Variants in USH2A observed in about 807,000 individuals in gnomAD.
USH2A encodes usherin.
USH2A carries 443 observed loss-of-function variants against 538.9 expected under a neutral mutation model. The observed-to-expected ratio is 0.82, with a 90% CI of 0.76 to 0.89. The LOEUF (loss-of-function observed/expected upper bound fraction) is 0.89. Ranked by LOEUF, USH2A falls within the 40% of genes least tolerant of loss-of-function variation. USH2A has a pLI of 0.00. For missense variants in USH2A, 6,633 were observed against 6,324.8 expected (o/e 1.05, Z -1.65); for synonymous variants, 2,413 against 2,273.5 (o/e 1.06, Z -1.75).
chr1:216,227,755 A>C (rs1343348772), intron 14 of USH2A, among the ~76,000 whole-genome samples: 1 of 152,206 alleles, frequency 6.6e-6, no homozygotes, highest in Non-Finnish European at 1.5e-5. Context: ...ATTATCTGCA[A>C]GGGCAAGAGC....
chr1:215,797,263 C>T (rs1558102567), intron 50 of USH2A, among the ~76,000 whole-genome samples: 1 of 152,110 alleles, frequency 6.6e-6, no homozygotes, highest in African/African-American at 2.4e-5. Context: ...AGAAAAAAAG[C>T]CATCTTCATA....
At chr1:216,112,832 C>T (rs2032907980) in intron 21 of USH2A, among the ~76,000 whole-genome samples, 1 of 151,886 alleles carries the variant, frequency 6.6e-6, no homozygotes, top group Non-Finnish European at 1.5e-5. Flanking sequence ...ATATGTACCA[C>T]ATTTTCTTTA....
At chr1:215,724,091 T>C (rs1643145020) in intron 61 of USH2A, among the ~76,000 whole-genome samples, 1 of 151,992 alleles carries the variant, frequency 6.6e-6, no homozygotes, top group African/African-American at 2.4e-5. Context: ...TCTATATCTA[T>C]ATCTATATCA....
In USH2A at chr1:216,200,089, G is replaced by A. The variant is rs1484571571; in HGVS notation, c.3349C>T (p.Pro1117Ser). 2 of 1,612,512 alleles carry A rather than the reference G, an allele frequency of 1.2e-6. No individual in the cohort carries two copies. Among genetic ancestry groups the A allele is most frequent in the African/African-American group, 1.3e-5 (1 of 74,564 alleles). ...IQYFLDTDLL[P>S]YTKYSYYIET... Reference sequence around the variant, plus strand: ...ATGTAATAGGAATATTTGGTATATGGTAACAGGTCTGTGTCTAAGAAGTAT... The same window carrying A: ...ATGTAATAGGAATATTTGGTATATGATAACAGGTCTGTGTCTAAGAAGTAT... Residue 1117 changes from proline to serine, a missense_variant, in exon 17 of 72, where the codon CCA becomes TCA. Pro to Ser is a moderately conservative substitution (Grantham distance 74). Coordinates refer to ENST00000307340, the MANE Select transcript of USH2A (RefSeq NM_206933.4).
chr1:216,365,811 T>C (rs1030040651), intron 3 of USH2A, among the ~76,000 whole-genome samples: 12 of 152,074 alleles, frequency 7.9e-5, no homozygotes, highest in African/African-American at 2.9e-4. Flanking sequence ...CCACAGACAA[T>C]ATATAAACAA....
chr1:216,292,327 T>C lies in USH2A; in HGVS notation c.1688A>G (p.Gln563Arg). Residue 563 changes from glutamine (Q) to arginine (R), a missense_variant, in exon 10 of 72, where the codon CAA becomes CGA. By Grantham distance (43) the Gln-to-Arg change is conservative (BLOSUM62 1). Coordinates refer to ENST00000307340, the MANE Select transcript of USH2A (RefSeq NM_206933.4). Reference sequence around the variant, plus strand: ...ATTGAAAGCGTAAACTTGATCACCTTGGCGGAAAGGCTTGTCATTATAAAG... The same window carrying C: ...ATTGAAAGCGTAAACTTGATCACCTCGGCGGAAAGGCTTGTCATTATAAAG... ...LPLYNDKPFR[Q>R]GDQVYAFNCK... 1.9e-6 allele frequency: 3 copies of C among 1,614,048 alleles called. No homozygotes were observed. Among genetic ancestry groups the C allele is most frequent in the Non-Finnish European group, 2.5e-6 (3 of 1,179,946 alleles).
At chr1:216,297,413 T>C (rs1350479164) in intron 9 of USH2A, among the ~76,000 whole-genome samples, 2 of 152,134 alleles carry the variant, frequency 1.3e-5, no homozygotes, top group African/African-American at 4.8e-5. Context: ...AAAATGAAGA[T>C]AACTTAATAG....
At chr1:216,071,638 T>C (rs921974340) in intron 29 of USH2A, among the ~76,000 whole-genome samples, 1 of 152,228 alleles carries the variant, frequency 6.6e-6, no homozygotes, top group Non-Finnish European at 1.5e-5. Context: ...TCTATTTGTG[T>C]ACTTTCTCAG....
chr1:215,631,249 G>T (rs566749175), intron 70 of USH2A, among the ~76,000 whole-genome samples: 3 of 144,584 alleles, frequency 2.1e-5, no homozygotes, highest in Non-Finnish European at 3.0e-5. Context: ...TGTGTGTGTG[G>T]GTGGGTGTTG....
intron 41 of USH2A, among the ~76,000 whole-genome samples, chr1:215,884,667 GTTTAT>G (rs1483882614): frequency 2.0e-5 from 3 of 152,098 alleles, no homozygotes; most frequent in African/African-American, 4.8e-5. Context: ...TTTGTCTGTG[GTTTAT>G]TTTAAGTAGA....
intron 15 of USH2A, among the ~76,000 whole-genome samples, chr1:216,209,356 G>A (rs551793996): frequency 6.6e-6 from 1 of 152,328 alleles, no homozygotes; most frequent in East Asian, 1.9e-4. Context: ...CCTCTTAGCA[G>A]CTGAAATCAA....
chr1:215,821,457 G>A (rs1663012373), intron 47 of USH2A, among the ~76,000 whole-genome samples: 1 of 151,364 alleles, frequency 6.6e-6, no homozygotes, highest in African/African-American at 2.4e-5. Flanking sequence ...CAGATGTTTT[G>A]TTTTTGTTTT....
chr1:216,184,187 T>G (rs1374626086), intron 20 of USH2A, among the ~76,000 whole-genome samples: 1 of 152,048 alleles, frequency 6.6e-6, no homozygotes, highest in Admixed American at 6.6e-5. Flanking sequence ...GTGCCTTTAT[T>G]CTTGAAATAA....
intron 38 of USH2A, among the ~76,000 whole-genome samples, chr1:215,933,250 T>A (rs1009766488): frequency 2.5e-4 from 38 of 152,106 alleles, no homozygotes; most frequent in African/African-American, 9.1e-4. Context: ...CAGTTTTCTA[T>A]CCTTCCTAGC....
chr1:215,936,308 T>C (rs1473859741), intron 37 of USH2A, among the ~76,000 whole-genome samples: 1 of 152,024 alleles, frequency 6.6e-6, no homozygotes, highest in Non-Finnish European at 1.5e-5. Context: ...GTATACAAAA[T>C]GCAAGGTTTA....
At chr1:215,813,153 T>C (rs1662745399) in intron 49 of USH2A, among the ~76,000 whole-genome samples, 1 of 152,202 alleles carries the variant, frequency 6.6e-6, no homozygotes, top group Non-Finnish European at 1.5e-5. Flanking sequence ...CATTGTTTTA[T>C]GTAGTTGAAA....
At chr1:216,006,280 C>T (rs1348623667) in intron 32 of USH2A, among the ~76,000 whole-genome samples, 2 of 152,204 alleles carry the variant, frequency 1.3e-5, no homozygotes, top group Admixed American at 6.5e-5. Flanking sequence ...TTACTTCCCA[C>T]CTCTTCCACT....
In USH2A at chr1:215,675,634, C is replaced by G. The variant is rs374411391; in HGVS notation, c.12295-18G>C. On this transcript the variant is annotated intron_variant, in intron 62 of 71. Transcript: ENST00000307340. ...TTGTATGTCTACAGAAGGACAGAAG[C>G]AAAAGGGATAACTTGCAGCATACAA... The G allele has an allele frequency of 6.2e-7, 1 of 1,613,946 alleles. No homozygotes were observed. Among genetic ancestry groups the G allele is most frequent in the Non-Finnish European group, 8.5e-7 (1 of 1,179,988 alleles).
chr1:215,634,256 T>G (rs954675874), intron 70 of USH2A, among the ~76,000 whole-genome samples: 2 of 152,224 alleles, frequency 1.3e-5, no homozygotes, highest in African/African-American at 2.4e-5. Flanking sequence ...AGTGATATTT[T>G]TTAAAGCTTT....
Sources: gnomAD v4.1 joint callset for allele counts (sites outside exome capture counted in the v4.1 genomes callset) on GRCh38, gnomAD v4.1.1 for gene constraint, MANE v1.5 for transcripts, NCBI Gene and HGNC (gene_info 2026-07-23, HGNC 2026-07-21) for gene names.